Variants in PDIA4 observed in about 807,000 individuals in gnomAD.
PDIA4 encodes the protein protein disulfide isomerase family A member 4.
In PDIA4, 33 loss-of-function variants were observed where a neutral mutation model predicts 62.1. That is an observed-to-expected ratio of 0.53 (90% CI 0.40 to 0.71). The LOEUF is 0.71. Ranked by LOEUF, PDIA4 falls within the 30% of genes least tolerant of loss-of-function variation. The pLI is 0.00. For synonymous variants in PDIA4, 341 were observed against 324.1 expected, an observed-to-expected ratio of 1.05 and a Z score of -0.56; for missense variants, 804 against 813.6, an observed-to-expected ratio of 0.99 and a Z score of 0.14.
rs766230670 is a variant in PDIA4 at position 149,019,051 on chromosome 7, G to A, written c.416C>T (p.Thr139Ile). ...ASRFDVSGYP[T>I]IKILKKGQAV... ...CTGCCCCTTCTTAAGGATCTTGATGGTGGGGTAGCCACTCACATCAAACCT... is the reference window on the plus strand; with the variant it reads ...CTGCCCCTTCTTAAGGATCTTGATGATGGGGTAGCCACTCACATCAAACCT... Residue 139 changes from threonine to isoleucine, a missense_variant, in exon 3 of 10, where the codon ACC becomes ATC. Physicochemically the swap from Thr to Ile is moderately conservative, Grantham distance 89. Transcript: ENST00000652332. 1.4e-5 allele frequency: 22 copies of A among 1,613,632 alleles called. No homozygotes were observed. Among genetic ancestry groups the A allele is most frequent in the Non-Finnish European group, 5.1e-6 (6 of 1,179,952 alleles).
chr7:149,019,450 T>G (rs1824266402), intron 2 of PDIA4, among the ~76,000 whole-genome samples: 1 of 152,192 alleles, frequency 6.6e-6, no homozygotes, highest in African/African-American at 2.4e-5. Context: ...CCGGGTGCAG[T>G]GGCTCACACC....
intron 3 of PDIA4, among the ~76,000 whole-genome samples, chr7:149,018,350 G>A (rs765269545): frequency 6.6e-6 from 1 of 152,140 alleles, no homozygotes; most frequent in Non-Finnish European, 1.5e-5. Context: ...CCCTCCAGAT[G>A]ACTGACGCTT....
intron 4 of PDIA4, among the ~76,000 whole-genome samples, chr7:149,014,447 A>T (rs1476946023): frequency 6.6e-6 from 1 of 151,964 alleles, no homozygotes; most frequent in Non-Finnish European, 1.5e-5. Context: ...GGGAAGGCAG[A>T]TGGTCTCTCC....
intron 7 of PDIA4, among the ~76,000 whole-genome samples, chr7:149,007,035 T>A (rs1040837170): frequency 2.6e-5 from 4 of 152,010 alleles, no homozygotes; most frequent in Non-Finnish European, 4.4e-5. Flanking sequence ...TCAGGACCCC[T>A]CTTTGGGCCC....
chr7:149,013,390 T>C (rs1824019988), intron 4 of PDIA4, among the ~76,000 whole-genome samples: 1 of 152,092 alleles, frequency 6.6e-6, no homozygotes, highest in Non-Finnish European at 1.5e-5. Context: ...TTCAAAACCA[T>C]TTGTTGGCTG....
rs1361785349 is a variant in PDIA4, at chr7:149,008,047, A to ACCCTGCAGACAAGAGCGAAACCTC, written c.1131+88_1131+111dup. On this transcript the variant is annotated intron_variant, in intron 7 of 9. Coordinates refer to ENST00000652332, the MANE Select transcript of PDIA4 (RefSeq NM_004911.5). ...GAACGGGCTGGAAAAGGAGTTCCAG[A>ACCCTGCAGACAAGAGCGAAACCTC]CCCTGCAGACAAGAGCGAAACCTCC... 9.8e-6 allele frequency: 10 copies of ACCCTGCAGACAAGAGCGAAACCTC among 1,019,266 alleles called. No homozygotes were observed. In the African/African-American group the frequency reaches 1.5e-4, roughly 15 times the overall value. The allele number at this position is 1,019,266 out of a possible 1,614,324, so 63.1% of individuals were successfully genotyped here.
Position 149,003,708 on chromosome 7 carries a change from G to T in PDIA4, c.*86C>A. ...AAAAAAAGGAATCCGAGATACTGTC[G>T]TTTGTTGCCGGCCTCGGCGTGGACG... On this transcript the variant is annotated 3_prime_UTR_variant, in exon 10 of 10. Coordinates refer to ENST00000652332, the MANE Select transcript of PDIA4 (RefSeq NM_004911.5). The T allele has an allele frequency of 1.0e-6, 1 of 988,500 alleles. No homozygotes were observed. 61.2% of individuals were successfully genotyped at this position (988,500 alleles called of 1,614,324 possible). A position where few individuals can be genotyped will look rare whatever the true frequency, so the allele number is the denominator to read the frequency against.
intron 3 of PDIA4, among the ~76,000 whole-genome samples, chr7:149,016,558 G>A (rs950852797): frequency 2.0e-5 from 3 of 150,592 alleles, no homozygotes; most frequent in Non-Finnish European, 1.5e-5. Context: ...TCTCGCTGTC[G>A]CCCAGGCTGG....
At chr7:149,017,380 T>G (rs1348533398) in intron 3 of PDIA4, among the ~76,000 whole-genome samples, 2 of 152,134 alleles carry the variant, frequency 1.3e-5, no homozygotes, top group Non-Finnish European at 2.9e-5. Context: ...GGTTGGGAGT[T>G]TGAGACCAGC....
chr7:149,006,066 G>A lies in PDIA4; in HGVS notation c.1132-13C>T, dbSNP rs1318528225. ...CCTGGGTGGAGCCCTGCTTCAAAGA[G>A]GGAACAGGTGAGGGGGCCCACCATC... On this transcript the variant is annotated splice_polypyrimidine_tract_variant and intron_variant, in intron 7 of 9. Coordinates refer to ENST00000652332, the MANE Select transcript of PDIA4 (RefSeq NM_004911.5). The A allele has an allele frequency of 5.2e-6, 8 of 1,548,238 alleles. No individual in the cohort carries two copies. Among genetic ancestry groups the A allele is most frequent in the Admixed American group, 2.2e-5 (1 of 44,904 alleles).
rs896760597 is a variant in PDIA4 at position 149,005,999 on chromosome 7, G to T, written c.1186C>A (p.Leu396Met). ...KDFVLKYALP[L>M]VGHRKVSNDA... ...TTTGACACCTTGCGGTGGCCAACCA[G>T]GGGCAGGGCGTACTTCAGCACGAAG... Residue 396 changes from leucine to methionine, a missense_variant, in exon 8 of 10, where the codon CTG (leucine) becomes ATG (methionine). By Grantham distance (15) the Leu-to-Met change is conservative. Coordinates refer to ENST00000652332, the MANE Select transcript of PDIA4 (RefSeq NM_004911.5). The T allele has an allele frequency of 4.5e-6, 7 of 1,549,120 alleles. No homozygotes were observed. Among genetic ancestry groups the T allele is most frequent in the Non-Finnish European group, 5.2e-6 (6 of 1,156,614 alleles).
rs374904189 is a variant in PDIA4 at position 149,006,052 on chromosome 7, C to A, written c.1133G>T (p.Gly378Val). 177 of 1,555,846 alleles carry A rather than the reference C, an allele frequency of 1.1e-4. 4 individuals carry two copies. The highest frequency in any genetic ancestry group is 9.6e-4 in the South Asian group (78 of 81,052). Reference protein sequence around the residue: ...EPRSHMMDVQGSTQDSAIKDF... With the variant: ...EPRSHMMDVQVSTQDSAIKDF... ...CTTGATGGCCGAGTCCTGGGTGGAG[C>A]CCTGCTTCAAAGAGGGAACAGGTGA... Residue 378 changes from glycine (G) to valine (V), a missense_variant and splice_region_variant, in exon 8 of 10, where the codon GGC becomes GTC. Gly to Val is a moderately radical substitution (Grantham distance 109). Coordinates refer to ENST00000652332, the MANE Select transcript of PDIA4 (RefSeq NM_004911.5).
At chr7:149,008,441 C>A (rs1304564697) in intron 6 of PDIA4, 131 bp from the exon 7 acceptor site, 3 of 875,220 alleles carry the variant, frequency 3.4e-6, no homozygotes, top group Non-Finnish European at 5.3e-6. Flanking sequence ...TGGCTCACGC[C>A]TGTAATCCCA....
At chr7:149,028,122 C>A (rs1391043545) in intron 1 of PDIA4, 199 bp downstream of exon 1, 1 of 597,444 alleles carries the variant, frequency 1.7e-6, no homozygotes, top group African/African-American at 1.9e-5. Flanking sequence ...CCCGGGAACC[C>A]CAAATCGATC....
intron 9 of PDIA4, among the ~76,000 whole-genome samples, chr7:149,004,757 T>C (rs1216702145): frequency 6.6e-6 from 1 of 152,206 alleles, no homozygotes; most frequent in East Asian, 1.9e-4. Flanking sequence ...ATGCCCCCTC[T>C]GCACACCCCG....
At chr7:149,022,979 T>C (rs10243245) in intron 1 of PDIA4, among the ~76,000 whole-genome samples, 134,879 of 152,218 alleles carry the variant, frequency 0.89, 61,229 homozygotes, top group Non-Finnish European at 0.98. Context: ...AACTTAAGGC[T>C]TAGGATCCTC....
At position 149,024,792 on chromosome 7, in the gene PDIA4, G is replaced by GA. The variant is rs1247959504; in HGVS notation, c.88+3528_88+3529insT. Among the ~76,000 whole-genome samples the GA allele has an allele frequency of 2.1e-3, 287 of 135,850 alleles. 1 individual carries two copies. Among genetic ancestry groups the GA allele is most frequent in the African/African-American group, 7.3e-3 (267 of 36,556 alleles). The allele number at this position is 135,850 out of a possible 152,430, so 89.1% of individuals were successfully genotyped here. On this transcript the variant is annotated intron_variant, in intron 1 of 9. Coordinates refer to ENST00000652332, the MANE Select transcript of PDIA4 (RefSeq NM_004911.5). Reference sequence around the variant, plus strand: ...GATCGCACCACTGCACTCCAGCCTGGCGACCGAGCAAGACTGTCATTTAAA... The same window carrying GA: ...GATCGCACCACTGCACTCCAGCCTGGACGACCGAGCAAGACTGTCATTTAAA...
intron 1 of PDIA4, 132 bp downstream of exon 1, chr7:149,028,189 G>T (rs1037962320): frequency 7.1e-5 from 46 of 644,242 alleles, no homozygotes; most frequent in Non-Finnish European, 1.1e-4. Context: ...TTTACCCCGG[G>T]CTCGGCGCCC....
rs1435444162 is a variant in PDIA4, at chr7:149,028,336, C to T, written c.73G>A (p.Glu25Lys). The change falls in exon 1 of 10, where the codon GAG (glutamate) becomes AAG (lysine). Residue 25 changes from glutamate (E) to lysine (K), a missense_variant. Glu to Lys is a moderately conservative substitution (Grantham distance 56). Transcript: ENST00000652332. Reference sequence around the variant, plus strand: ...TGCCGCTCACCCTCGTCCGGGCCCTCGGCACCCGCCACGGCCAGCAGCTGC... The same window carrying T: ...TGCCGCTCACCCTCGTCCGGGCCCTTGGCACCCGCCACGGCCAGCAGCTGC... ...LVQLLAVAGAEGPDEDSSNRE... is the reference protein window; with the variant it reads ...LVQLLAVAGAKGPDEDSSNRE... 4 of 1,522,302 alleles carry T rather than the reference C, an allele frequency of 2.6e-6. No individual in the cohort carries two copies. The African/African-American group carries it at 5.8e-5, about 22-fold the overall frequency. The allele number at this position is 1,522,302 out of a possible 1,614,324, so 94.3% of individuals were successfully genotyped here.
Sources: allele counts gnomAD v4.1 joint callset (sites outside exome capture counted in the v4.1 genomes callset), GRCh38; gene constraint gnomAD v4.1.1; transcripts MANE v1.5; gene names NCBI Gene and HGNC (gene_info 2026-07-23, HGNC 2026-07-21).